The following ZYG11A variants were observed in gnomAD, a reference collection of about 807,000 sequenced individuals.
ZYG11A encodes the protein zyg-11 family member A, cell cycle regulator.
A neutral mutation model predicts 77.2 loss-of-function variants in ZYG11A; 62 were observed. That is an observed-to-expected ratio of 0.80 (90% confidence interval 0.65 to 0.99). The LOEUF is 0.99. Among genes scored for constraint, ZYG11A ranks in the 50% least tolerant of loss-of-function variants. The pLI is 0.00. For synonymous variants in ZYG11A, 315 were observed against 324.6 expected (o/e 0.97, Z 0.32); for missense variants, 828 against 896.8 (o/e 0.92, Z 0.98).
intron 8 of ZYG11A, among the ~76,000 whole-genome samples, chr1:52,870,142 C>G (rs1168287297): frequency 6.9e-6 from 1 of 143,986 alleles, no homozygotes; most frequent in Non-Finnish European, 1.5e-5. Flanking sequence ...ACATCTCAGA[C>G]GATGGGCAGC....
At chr1:52,888,409 G>A (rs1490165874) in intron 13 of ZYG11A, among the ~76,000 whole-genome samples, 13 of 152,160 alleles carry the variant, frequency 8.5e-5, no homozygotes, top group Admixed American at 7.9e-4. Context: ...CCAGGCGGGA[G>A]TGCAATGGTG....
At chr1:52,853,541 A>T (rs894747586) in intron 1 of ZYG11A, among the ~76,000 whole-genome samples, 4 of 152,176 alleles carry the variant, frequency 2.6e-5, no homozygotes, top group Admixed American at 6.6e-5. Context: ...CTTTAAAGGG[A>T]CTAGAACCAT....
rs1557440282 is a variant in ZYG11A at position 52,864,007 on chromosome 1, C to T, written c.1176C>T (p.His392=). Residue 392 remains histidine (H), a synonymous_variant, in exon 5 of 14, where the codon CAC becomes CAT. Transcript: ENST00000371528. ...TTGTGGCTATAGGAATGAGGAATCA[C>T]CCATTGGATTTGCGAGTGCAGTTCA... is the stretch of plus-strand genomic sequence containing the variant. The part of the protein sequence containing the change: ...LKLVAIGMRN[H]PLDLRVQFTA... 1 of 1,551,390 alleles carries T rather than the reference C, an allele frequency of 6.4e-7. No individual in the cohort carries two copies. The highest frequency in any genetic ancestry group is 8.7e-7 in the Non-Finnish European group (1 of 1,146,924).
chr1:52,870,168 T>G (rs1296974779), intron 8 of ZYG11A, among the ~76,000 whole-genome samples: 3 of 129,162 alleles, frequency 2.3e-5, no homozygotes, highest in African/African-American at 2.8e-5. Context: ...AGAGACGCTC[T>G]TCACTTCCTA....
chr1:52,871,820 C>T (rs1646172779), intron 8 of ZYG11A, among the ~76,000 whole-genome samples: 1 of 152,164 alleles, frequency 6.6e-6, no homozygotes, highest in Non-Finnish European at 1.5e-5. Flanking sequence ...GAAAAAAACC[C>T]ATTTTCTTTG....
intron 10 of ZYG11A, among the ~76,000 whole-genome samples, chr1:52,880,394 T>TTC (rs1646343778): frequency 6.6e-6 from 1 of 152,104 alleles, no homozygotes; most frequent in African/African-American, 2.4e-5. Context: ...CTTTGACTGT[T>TTC]TCACCTCATT....
Position 52,877,685 on chromosome 1 carries a change from C to T in ZYG11A, c.1546C>T (p.Leu516Phe). Residue 516 changes from leucine to phenylalanine, a missense_variant, in exon 9 of 14, where the codon CTT becomes TTT. Transcript: ENST00000371528. ...TCCCTGTCTCTTTGGTTTTTAGGAA[C>T]TTCTAGCAATAGTAAAACAAAAGAC... ...LEELFMAVKE[L>F]LAIVKQKTTE... 1 of 1,546,744 alleles carries T rather than the reference C, an allele frequency of 6.5e-7. No homozygotes were observed. Among genetic ancestry groups the T allele is most frequent in the Non-Finnish European group, 8.7e-7 (1 of 1,145,580 alleles).
chr1:52,867,380 T>C (rs1646045446), intron 6 of ZYG11A, among the ~76,000 whole-genome samples, 159 bp from the exon 7 acceptor site: 1 of 152,232 alleles, frequency 6.6e-6, no homozygotes, highest in African/African-American at 2.4e-5. Flanking sequence ...CCCTGCCTGG[T>C]CTTCTCTCTG....
At chr1:52,873,216 A>G (rs142738469) in intron 8 of ZYG11A, among the ~76,000 whole-genome samples, 149 of 152,324 alleles carry the variant, frequency 9.8e-4, no homozygotes, top group African/African-American at 3.5e-3. Context: ...GGAGGCTGAG[A>G]TGGGAAGATC....
At chr1:52,883,703 A>G (rs1046981865) in intron 11 of ZYG11A, among the ~76,000 whole-genome samples, 2 of 152,076 alleles carry the variant, frequency 1.3e-5, no homozygotes, top group African/African-American at 2.4e-5. Context: ...CTGGGATTAC[A>G]TGCATGAGCC....
intron 2 of ZYG11A, among the ~76,000 whole-genome samples, chr1:52,856,479 T>A (rs1050813023): frequency 5.2e-5 from 7 of 134,252 alleles, no homozygotes; most frequent in Admixed American, 1.6e-4. Context: ...AAAAAAAAAA[T>A]ATGTGTAGTA....
At position 52,842,793 on chromosome 1, in the gene ZYG11A, GCGTCCTGGCA is replaced by G; in HGVS notation, c.-90_-81del. The G allele has an allele frequency of 1.6e-6, 2 of 1,249,746 alleles. No homozygotes were observed. The highest frequency in any genetic ancestry group is 2.7e-5 in the South Asian group (2 of 73,632). 77.4% of individuals were successfully genotyped at this position (1,249,746 alleles called of 1,614,324 possible). A position where few individuals can be genotyped will look rare whatever the true frequency, so the allele number is the denominator to read the frequency against. On this transcript the variant is annotated 5_prime_UTR_variant, in exon 1 of 14. Transcript: ENST00000371528. The stretch of plus-strand genomic sequence containing the variant: ...CGTGTGCCTCGCAGGCGTGGTGGGC[GCGTCCTGGCA>G]GCCGCCCGCTTGGTTCTCGCGGGAT...
intron 3 of ZYG11A, among the ~76,000 whole-genome samples, chr1:52,859,382 C>G (rs1340446651): frequency 3.3e-5 from 5 of 151,912 alleles, no homozygotes; most frequent in African/African-American, 1.2e-4. Context: ...GTCGCCCAGG[C>G]TGGAGTGCAG....
chr1:52,843,091 G>A, intron 1 of ZYG11A, 118 bp downstream of exon 1: 1 of 866,388 alleles, frequency 1.2e-6, no homozygotes. Context: ...GCCCGCGCGG[G>A]GCTGCGGTCT....
At chr1:52,887,437 C>T (rs1414456635) in intron 13 of ZYG11A, among the ~76,000 whole-genome samples, 2 of 152,058 alleles carry the variant, frequency 1.3e-5, no homozygotes, top group African/African-American at 2.4e-5. Flanking sequence ...ATAGCTTGGT[C>T]TTTTCACTCA....
chr1:52,867,841 A>G, intron 8 of ZYG11A, 64 bp downstream of exon 8: 1 of 1,368,638 alleles, frequency 7.3e-7, no homozygotes, highest in Non-Finnish European at 1.0e-6. Flanking sequence ...TTATAGCTTA[A>G]AAAAAAAATC....
intron 13 of ZYG11A, among the ~76,000 whole-genome samples, chr1:52,891,846 G>T (rs75765566): frequency 0.045 from 6,782 of 151,836 alleles, 658 homozygotes; most frequent in African/African-American, 0.16. Flanking sequence ...AATTCCTTTA[G>T]TTTGTACATT....
intron 2 of ZYG11A, 54 bp from the exon 3 acceptor site, chr1:52,856,944 T>C (rs551098606): frequency 8.9e-6 from 13 of 1,462,066 alleles, no homozygotes; most frequent in Non-Finnish European, 1.1e-5. Flanking sequence ...CATTTTATCC[T>C]GGAAAGACAT....
At position 52,894,631 on chromosome 1, in the gene ZYG11A, C is replaced by G. The variant is rs1473319399; in HGVS notation, c.*1674C>G. On this transcript the variant is annotated 3_prime_UTR_variant, in exon 14 of 14. Coordinates refer to ENST00000371528, the MANE Select transcript of ZYG11A (RefSeq NM_001004339.3). ...TTGGTTCAGATTCTTAACTAGAGTACCATGTACTGTCTTTGGAAATCAAAT... is the reference window on the plus strand; with the variant it reads ...TTGGTTCAGATTCTTAACTAGAGTAGCATGTACTGTCTTTGGAAATCAAAT... The G allele has an allele frequency of 6.6e-6, 1 of 152,152 alleles. No homozygotes were observed. The highest frequency in any genetic ancestry group is 1.5e-5 in the Non-Finnish European group (1 of 68,024). 9.4% of individuals were successfully genotyped at this position (152,152 alleles called of 1,614,324 possible).
Sources: gnomAD v4.1 joint callset for allele counts (sites outside exome capture counted in the v4.1 genomes callset) on GRCh38, gnomAD v4.1.1 for gene constraint, MANE v1.5 for transcripts, NCBI Gene and HGNC (gene_info 2026-07-23, HGNC 2026-07-21) for gene names.